The following CLDN18 variants were observed in gnomAD, a reference collection of about 807,000 sequenced individuals.
CLDN18 encodes the protein claudin 18.
Under a neutral mutation model 25.0 loss-of-function variants are expected in CLDN18, and 20 were observed. That is an observed-to-expected ratio of 0.80 (90% CI 0.56 to 1.16). The LOEUF is 1.16. CLDN18 is among the 50% of genes most tolerant of loss of function. The pLI is 0.00. For missense variants in CLDN18, 297 were observed against 345.4 expected (o/e 0.86, Z 1.11); for synonymous variants, 125 against 135.6 (o/e 0.92, Z 0.54).
Position 138,031,136 on chromosome 3 carries a change from G to T in CLDN18, c.781G>T (p.Val261Leu). ...ATCTTATCCTTCCAAGCACGACTAT[G>T]TGTAATGCTCTAAGACCTCTCAGCA... ...VQSYPSKHDYV is the reference protein window; with the variant it reads ...VQSYPSKHDYL Residue 261 changes from valine (V) to leucine (L), a missense_variant, in exon 5 of 5, where the codon GTG becomes TTG. Val to Leu is a conservative substitution (Grantham distance 32). Transcript: ENST00000183605. The T allele has an allele frequency of 6.2e-7, 1 of 1,612,926 alleles. No homozygotes were observed. The highest frequency in any genetic ancestry group is 8.5e-7 in the Non-Finnish European group (1 of 1,179,508).
At chr3:138,001,947 T>C (rs1942024155) in intron 1 of CLDN18, among the ~76,000 whole-genome samples, 1 of 152,102 alleles carries the variant, frequency 6.6e-6, no homozygotes. Context: ...TGTAACTGAG[T>C]GTGAGAGATA....
At chr3:138,012,055 T>C (rs1315577515) in intron 1 of CLDN18, among the ~76,000 whole-genome samples, 1 of 152,188 alleles carries the variant, frequency 6.6e-6, no homozygotes, top group African/African-American at 2.4e-5. Context: ...GATCATGCCC[T>C]GTTGGTCAGC....
chr3:138,011,602 G>C (rs1460853158), intron 1 of CLDN18, among the ~76,000 whole-genome samples: 1 of 152,178 alleles, frequency 6.6e-6, no homozygotes, highest in African/African-American at 2.4e-5. Flanking sequence ...GCTGTAGTGG[G>C]AGGGGAGAGG....
upstream of CLDN18, among the ~76,000 whole-genome samples, chr3:138,007,548 C>T (rs571881690): frequency 1.0e-3 from 18 of 17,692 alleles, no homozygotes; most frequent in East Asian, 7.1e-3. Context: ...TGTCGGGGGT[C>T]GGGGGGGTGA....
At chr3:137,999,796 A>C (rs749874939) in intron 1 of CLDN18, among the ~76,000 whole-genome samples, 1 of 152,228 alleles carries the variant, frequency 6.6e-6, no homozygotes, top group Non-Finnish European at 1.5e-5. Flanking sequence ...TCAATACACA[A>C]GGATTGTGTT....
intron 3 of CLDN18, 22 bp downstream of exon 3, chr3:138,024,746 C>T (rs370901497): frequency 5.5e-6 from 7 of 1,265,502 alleles, no homozygotes; most frequent in South Asian, 2.4e-5. Context: ...ATCTAGGTCT[C>T]GGCATTCACC....
intron 1 of CLDN18, among the ~76,000 whole-genome samples, chr3:138,013,671 G>T (rs144106717): frequency 1.1e-4 from 16 of 152,324 alleles, no homozygotes; most frequent in Non-Finnish European, 2.2e-4. Flanking sequence ...GGGAGCATTT[G>T]AGTAGTAACT....
At chr3:138,024,575 A>T in intron 2 of CLDN18, 32 bp from the exon 3 acceptor site, 1 of 1,337,450 alleles carries the variant, frequency 7.5e-7, no homozygotes, top group East Asian at 2.3e-5. Context: ...CCTTGAAACT[A>T]ACTCTGGAGT....
chr3:138,000,527 GTTGT>G (rs1027262738), intron 1 of CLDN18, among the ~76,000 whole-genome samples: 5 of 151,496 alleles, frequency 3.3e-5, no homozygotes, highest in African/African-American at 7.4e-5. Context: ...TGAGAGGTTG[GTTGT>G]TTGGTTGGTT....
At chr3:138,023,904 C>T in intron 2 of CLDN18, 82 bp downstream of exon 2, 5 of 1,390,538 alleles carry the variant, frequency 3.6e-6, no homozygotes, top group Non-Finnish European at 5.0e-6. Context: ...CTCCTCCCTA[C>T]TGCTGAATGT....
rs1274156368 is a variant in CLDN18, at chr3:138,032,015, G to A, written c.*874G>A. On this transcript the variant is annotated 3_prime_UTR_variant, in exon 5 of 5. Transcript: ENST00000183605. ...TTTGACATTGTCTATATGGTACTTT[G>A]TAAAGTCATGCTTAAGTACAAATTC... 2.0e-5 allele frequency: 3 copies of A among 152,170 alleles called. No homozygotes were observed. Among genetic ancestry groups the A allele is most frequent in the African/African-American group, 7.2e-5 (3 of 41,446 alleles). 9.4% of individuals were successfully genotyped at this position (152,170 alleles called of 1,614,324 possible). A position where few individuals can be genotyped will look rare whatever the true frequency, so the allele number is the denominator to read the frequency against.
intron 1 of CLDN18, among the ~76,000 whole-genome samples, chr3:138,002,443 C>A (rs1942029201): frequency 6.6e-6 from 1 of 152,130 alleles, no homozygotes; most frequent in Non-Finnish European, 1.5e-5. Flanking sequence ...TGGAGTTCCC[C>A]CAATTCTGTT....
In CLDN18 at chr3:138,012,554, C is replaced by G. The variant is rs528562039; in HGVS notation, c.220+2109C>G. On this transcript the variant is annotated intron_variant, in intron 1 of 4. Transcript: ENST00000183605. ...TTGCTCCTGCTCCCCTGAATTCCCCCCTCCACCACCCCAACTGTCCTCTCA... is the reference window on the plus strand; with the variant it reads ...TTGCTCCTGCTCCCCTGAATTCCCCGCTCCACCACCCCAACTGTCCTCTCA... Among the ~76,000 whole-genome samples the G allele has an allele frequency of 7.9e-5, 12 of 152,236 alleles. No homozygotes were observed. The South Asian group carries it at 1.7e-3, about 21-fold the overall frequency.
At chr3:138,004,901 T>G (rs1942053788) in intron 1 of CLDN18, 1 of 152,002 alleles carries the variant, frequency 6.6e-6, no homozygotes, top group South Asian at 2.1e-4. Flanking sequence ...AGTAAATTTA[T>G]TTGACTACAT....
upstream of CLDN18, among the ~76,000 whole-genome samples, chr3:138,007,097 A>C (rs1559803549): frequency 6.6e-6 from 1 of 152,120 alleles, no homozygotes. Context: ...TTGTCGGGGG[A>C]AGGTTAGACA....
chr3:138,002,526 G>A (rs535346115), intron 1 of CLDN18, among the ~76,000 whole-genome samples: 6 of 152,154 alleles, frequency 3.9e-5, no homozygotes, highest in Admixed American at 6.5e-5. Context: ...GTGCAAATAC[G>A]ATCATAAACA....
exon 1 of CLDN18, chr3:137,998,856 A>G: frequency 6.2e-7 from 1 of 1,613,866 alleles, no homozygotes; most frequent in Non-Finnish European, 8.5e-7. Flanking sequence ...CTGTGTCGAC[A>G]CTGTGCGCCA....
At chr3:138,002,841 C>T (rs1942032922) in intron 1 of CLDN18, among the ~76,000 whole-genome samples, 1 of 152,160 alleles carries the variant, frequency 6.6e-6, no homozygotes, top group African/African-American at 2.4e-5. Context: ...AAAGTCCCTT[C>T]TTGGAGAGAT....
At chr3:138,004,552 G>T (rs1942048755) in intron 1 of CLDN18, 1 of 152,036 alleles carries the variant, frequency 6.6e-6, no homozygotes, top group African/African-American at 2.4e-5. Flanking sequence ...GTATGCTTTG[G>T]CATAAGGATG....
Sources: gnomAD v4.1 joint callset for allele counts (sites outside exome capture counted in the v4.1 genomes callset) on GRCh38, gnomAD v4.1.1 for gene constraint, MANE v1.5 for transcripts, NCBI Gene and HGNC (gene_info 2026-07-23, HGNC 2026-07-21) for gene names.